ODAM: variants seen among roughly 807,000 people sequenced by gnomAD.
ODAM encodes odontogenic ameloblast-associated protein.
Under a neutral mutation model 48.5 loss-of-function variants are expected in ODAM, and 55 were observed. The ratio of observed to expected loss-of-function variants is 1.13; its 90% confidence interval spans 0.91 to 1.42. The LOEUF (loss-of-function observed/expected upper bound fraction) is 1.42. Ranked by LOEUF, ODAM falls within the 40% of genes most tolerant of loss-of-function variation. The pLI is 0.00. For synonymous variants in ODAM, 127 were observed against 107.8 expected (o/e 1.18, Z -1.10); for missense variants, 353 against 323.6 (o/e 1.09, Z -0.70).
Position 70,202,758 on chromosome 4 carries a change from A to G in ODAM, c.651A>G (p.Ser217=). 6.2e-7 allele frequency: 1 copy of G among 1,605,732 alleles called. No homozygotes were observed. Among genetic ancestry groups the G allele is most frequent in the Non-Finnish European group, 8.5e-7 (1 of 1,176,340 alleles). ...GTTTTCATTCTCATTCTCTGTAGTC[A>G]ACAGGAGAAGAGATACCATATTTAC... ...LGTAPEIAVM[S]TGEEIPYLQK... Residue 217 remains serine (S), a splice_region_variant and synonymous_variant, in exon 10 of 12, where the codon TCA becomes TCG. Transcript: ENST00000683306.
chr4:70,199,725 G>C (rs1183087109), intron 6 of ODAM, among the ~76,000 whole-genome samples: 2 of 151,972 alleles, frequency 1.3e-5, no homozygotes, highest in Non-Finnish European at 2.9e-5. Context: ...ATGTGAGTTT[G>C]ATTCTTAGCC....
intron 8 of ODAM, 70 bp from the exon 9 acceptor site, chr4:70,202,188 T>G (rs1433334169): frequency 2.2e-5 from 24 of 1,088,940 alleles, no homozygotes; most frequent in Non-Finnish European, 3.3e-5. Flanking sequence ...ACTCTGGTAC[T>G]CTGGGTGGCC....
chr4:70,202,011 C>A (rs1414225826), intron 8 of ODAM, among the ~76,000 whole-genome samples: 1 of 151,858 alleles, frequency 6.6e-6, no homozygotes, highest in Non-Finnish European at 1.5e-5. Context: ...CTGTAGAATT[C>A]TTTATGCTCA....
intron 9 of ODAM, 37 bp from the exon 10 acceptor site, chr4:70,202,719 C>T: frequency 6.4e-7 from 1 of 1,561,606 alleles, no homozygotes; most frequent in South Asian, 1.2e-5. Flanking sequence ...TCTTGTTGAA[C>T]TTACGACAAC....
At chr4:70,199,159 G>A (rs1209394389) in intron 6 of ODAM, among the ~76,000 whole-genome samples, 6 of 151,798 alleles carry the variant, frequency 4.0e-5, no homozygotes, top group African/African-American at 1.5e-4. Flanking sequence ...CCATTAAATA[G>A]GATAATCTTT....
At chr4:70,201,982 C>T (rs1729503274) in intron 8 of ODAM, among the ~76,000 whole-genome samples, 2 of 151,694 alleles carry the variant, frequency 1.3e-5, no homozygotes, top group South Asian at 4.2e-4. Context: ...TTTTTTCCAC[C>T]CCTTCTGATG....
chr4:70,197,144 G>A, intron 3 of ODAM, 130 bp from the exon 4 acceptor site: 1 of 621,262 alleles, frequency 1.6e-6, no homozygotes, highest in South Asian at 2.0e-5. Flanking sequence ...TAAGCCTAGT[G>A]AGAAAATGTC....
At chr4:70,198,513 G>T in intron 5 of ODAM, 66 bp from the exon 6 acceptor site, 1 of 1,239,488 alleles carries the variant, frequency 8.1e-7, no homozygotes, top group Non-Finnish European at 1.1e-6. Context: ...TCTAGGAAAA[G>T]CAGCTCAGGG....
intron 6 of ODAM, chr4:70,200,159 A>C: frequency 9.4e-6 from 4 of 427,704 alleles, no homozygotes; most frequent in Non-Finnish European, 1.8e-5. Context: ...GGTAAGTGCT[A>C]CATAGGCTAT....
chr4:70,202,353 C>G, intron 9 of ODAM, 24 bp downstream of exon 9: 1 of 1,572,702 alleles, frequency 6.4e-7, no homozygotes. Context: ...CAACACTTTG[C>G]CAGCTACTGG....
intron 6 of ODAM, among the ~76,000 whole-genome samples, chr4:70,199,723 T>C (rs1729455998): frequency 6.6e-6 from 1 of 152,092 alleles, no homozygotes. Context: ...AAATGTGAGT[T>C]TGATTCTTAG....
chr4:70,197,288 TA>T lies in ODAM; in HGVS notation c.110del (p.Asn37IlefsTer44). On this transcript the variant is annotated frameshift_variant, in exon 4 of 12. Transcript: ENST00000683306. LOFTEE classifies it high-confidence loss of function. Reference sequence around the variant, plus strand: ...TCTTTTTCTAGTTACTTCTTAATCTTAATAATGGTCAACTTTTGCCACTACA... The same window carrying T: ...TCTTTTTCTAGTTACTTCTTAATCTTATAATGGTCAACTTTTGCCACTACA... ...SNSNELLLNL[N>X]NGQLLPLQLQ... 2.1e-6 allele frequency: 3 copies of T among 1,436,028 alleles called. No individual in the cohort carries two copies. The highest frequency in any genetic ancestry group is 9.8e-7 in the Non-Finnish European group (1 of 1,019,614). The allele number at this position is 1,436,028 out of a possible 1,614,324, so 89.0% of individuals were successfully genotyped here.
chr4:70,200,539 C>G lies in ODAM; in HGVS notation c.466C>G (p.Gln156Glu). The G allele has an allele frequency of 1.2e-6, 2 of 1,611,350 alleles. No individual in the cohort carries two copies. Among genetic ancestry groups the G allele is most frequent in the South Asian group, 1.1e-5 (1 of 90,976 alleles). ...AGTTTACATGGTCCTACCCTGGGAA[C>G]AACCTCAGCAAACAGTTCCAAGGTC... ...YPVYMVLPWE[Q>E]PQQTVPRSPQ... is the part of the protein sequence containing the mutation. Residue 156 changes from glutamine (Q) to glutamate (E), a missense_variant, in exon 7 of 12, where the codon CAA (glutamine) becomes GAA (glutamate). Coordinates refer to ENST00000683306, the MANE Select transcript of ODAM (RefSeq NM_017855.4).
At chr4:70,203,702 G>C (rs1729557613) in intron 11 of ODAM, among the ~76,000 whole-genome samples, 1 of 151,858 alleles carries the variant, frequency 6.6e-6, no homozygotes, top group Non-Finnish European at 1.5e-5. Context: ...AGCTTGGTTG[G>C]CTATGAGGCC....
chr4:70,196,531 A>G lies in ODAM; in HGVS notation c.-13A>G. 1 of 1,521,132 alleles carries G rather than the reference A, an allele frequency of 6.6e-7. No homozygotes were observed. Among genetic ancestry groups the G allele is most frequent in the Non-Finnish European group, 9.0e-7 (1 of 1,107,160 alleles). 94.2% of individuals were successfully genotyped at this position (1,521,132 alleles called of 1,614,324 possible). A position where few individuals can be genotyped will look rare whatever the true frequency, so the allele number is the denominator to read the frequency against. On this transcript the variant is annotated splice_region_variant and 5_prime_UTR_variant, in exon 2 of 12. It adds an upstream start codon to the 5' untranslated region. Coordinates refer to ENST00000683306, the MANE Select transcript of ODAM (RefSeq NM_017855.4). ...AAAGATCACAACTTATTTTCTAGATATATCATACGAAAATGAAAATTATAA... is the reference window on the plus strand; with the variant it reads ...AAAGATCACAACTTATTTTCTAGATGTATCATACGAAAATGAAAATTATAA...
At position 70,202,144 on chromosome 4, in the gene ODAM, C is replaced by G. The variant is rs138467982; in HGVS notation, c.577-114C>G. 1.1e-3 allele frequency: 787 copies of G among 728,494 alleles called. 6 individuals carry two copies. In the African/African-American group the frequency reaches 0.013, roughly 12 times the overall value. 45.1% of individuals were successfully genotyped at this position (728,494 alleles called of 1,614,324 possible). A position where few individuals can be genotyped will look rare whatever the true frequency, so the allele number is the denominator to read the frequency against. On this transcript the variant is annotated intron_variant, in intron 8 of 11. Transcript: ENST00000683306. ...ATTAAACTATTATTTCTGTTTTTAG[C>G]AAAATAATTTAAGAAGTTTGGGAGT...
chr4:70,196,166 T>A (rs1252321858), intron 1 of ODAM, among the ~76,000 whole-genome samples: 1 of 151,988 alleles, frequency 6.6e-6, no homozygotes, highest in African/African-American at 2.4e-5. Flanking sequence ...CCCTAGTTGG[T>A]TAGCCTTAGT....
intron 1 of ODAM, among the ~76,000 whole-genome samples, chr4:70,196,326 T>G (rs1729361469): frequency 6.6e-6 from 1 of 151,986 alleles, no homozygotes; most frequent in Non-Finnish European, 1.5e-5. Context: ...ACAATCTTGG[T>G]TTTTATAAAC....
intron 4 of ODAM, 29 bp from the exon 5 acceptor site, chr4:70,197,895 C>G: frequency 6.3e-7 from 1 of 1,575,776 alleles, no homozygotes. Flanking sequence ...ATGAAGGGAA[C>G]ATGCTTTCTT....
Sources: gnomAD v4.1 joint callset for allele counts (sites outside exome capture counted in the v4.1 genomes callset) on GRCh38, gnomAD v4.1.1 for gene constraint, MANE v1.5 for transcripts, NCBI Gene and HGNC (gene_info 2026-07-23, HGNC 2026-07-21) for gene names.